HS3ST4: variants seen among roughly 807,000 people sequenced by gnomAD.
HS3ST4 encodes the protein heparan sulfate glucosamine 3-O-sulfotransferase 4.
Under a neutral mutation model 29.2 loss-of-function variants are expected in HS3ST4, and 17 were observed. The ratio of observed to expected loss-of-function variants is 0.58; its 90% CI spans 0.40 to 0.87. HS3ST4 has a LOEUF of 0.87. HS3ST4 is among the 40% of genes least tolerant of loss of function. The probability of loss-of-function intolerance (pLI) is 0.00; values close to 1 mark genes in which losing one functional copy is unlikely to be tolerated. For synonymous variants in HS3ST4, 314 were observed against 285.7 expected (o/e 1.10, Z -1.00); for missense variants, 627 against 634.5 (o/e 0.99, Z 0.13).
intron 1 of HS3ST4, among the ~76,000 whole-genome samples, chr16:25,752,483 C>T (rs886877441): frequency 2.6e-5 from 4 of 151,868 alleles, no homozygotes; most frequent in East Asian, 1.9e-4. Flanking sequence ...TTTGACGGAA[C>T]GGATTATAGG....
intron 1 of HS3ST4, among the ~76,000 whole-genome samples, chr16:25,895,875 G>A (rs1011877029): frequency 1.3e-5 from 2 of 152,132 alleles, no homozygotes; most frequent in Admixed American, 1.3e-4. Context: ...TGGGAATTAG[G>A]CTTCAATATC....
chr16:25,876,584 G>T (rs1967835342), intron 1 of HS3ST4, among the ~76,000 whole-genome samples: 1 of 152,090 alleles, frequency 6.6e-6, no homozygotes, highest in South Asian at 2.1e-4. Context: ...TCTCTTATTG[G>T]TTCTAATTAG....
intron 1 of HS3ST4, among the ~76,000 whole-genome samples, chr16:26,014,230 G>T (rs1244122701): frequency 1.3e-5 from 2 of 152,120 alleles, no homozygotes. Flanking sequence ...CTTGTTCACT[G>T]TTGTGTCCCT....
At chr16:25,736,224 G>A (rs1162372171) in intron 1 of HS3ST4, among the ~76,000 whole-genome samples, 2 of 152,194 alleles carry the variant, frequency 1.3e-5, no homozygotes, top group African/African-American at 4.8e-5. Context: ...TCATAACGAC[G>A]TTGGAAGAAC....
chr16:25,897,158 GA>G (rs922572836), intron 1 of HS3ST4, among the ~76,000 whole-genome samples: 19 of 152,134 alleles, frequency 1.2e-4, no homozygotes, highest in African/African-American at 4.3e-4. Flanking sequence ...AATAAAAGTT[GA>G]AAAAAATACT....
chr16:25,949,094 A>ATGTATTTATGG (rs1968659015), intron 1 of HS3ST4, among the ~76,000 whole-genome samples: 1 of 151,736 alleles, frequency 6.6e-6, no homozygotes, highest in Non-Finnish European at 1.5e-5. Context: ...GGTACATAGT[A>ATGTATTTATGG]GGTGTATGTA....
intron 1 of HS3ST4, among the ~76,000 whole-genome samples, chr16:25,797,475 A>G (rs1966892977): frequency 6.6e-6 from 1 of 152,218 alleles, no homozygotes; most frequent in Non-Finnish European, 1.5e-5. Context: ...GGAATGGCAA[A>G]TGAATTAATA....
At chr16:26,081,061 CAGAT>C (rs908139175) in intron 1 of HS3ST4, among the ~76,000 whole-genome samples, 3 of 152,106 alleles carry the variant, frequency 2.0e-5, no homozygotes, top group Non-Finnish European at 4.4e-5. Flanking sequence ...TCAAGGCAGA[CAGAT>C]CACTTGAGCT....
chr16:25,944,505 TGTTA>T (rs1331672832), intron 1 of HS3ST4, among the ~76,000 whole-genome samples: 1 of 152,246 alleles, frequency 6.6e-6, no homozygotes, highest in African/African-American at 2.4e-5. Flanking sequence ...TTTTAATGTT[TGTTA>T]ATGATATTGT....
intron 1 of HS3ST4, among the ~76,000 whole-genome samples, chr16:26,107,257 AC>A (rs1899069063): frequency 1.3e-5 from 2 of 152,130 alleles, no homozygotes; most frequent in South Asian, 2.1e-4. Context: ...AACTACACAC[AC>A]ACACACATAT....
At chr16:26,037,573 G>A (rs141676048) in intron 1 of HS3ST4, among the ~76,000 whole-genome samples, 1 of 152,264 alleles carries the variant, frequency 6.6e-6, no homozygotes, top group East Asian at 1.9e-4. Flanking sequence ...GCCAATATTG[G>A]CAAATAAATC....
At chr16:25,908,171 C>T (rs1460216395) in intron 1 of HS3ST4, among the ~76,000 whole-genome samples, 1 of 152,138 alleles carries the variant, frequency 6.6e-6, no homozygotes, top group Non-Finnish European at 1.5e-5. Flanking sequence ...CTCAGCCTGG[C>T]TGGGTCTGCT....
intron 1 of HS3ST4, among the ~76,000 whole-genome samples, chr16:26,022,964 T>A (rs1969429353): frequency 6.6e-6 from 1 of 152,030 alleles, no homozygotes; most frequent in Admixed American, 6.6e-5. Flanking sequence ...ATCTCTTGAA[T>A]CCAGGAGGCG....
intron 1 of HS3ST4, among the ~76,000 whole-genome samples, chr16:25,927,803 T>C (rs1277843624): frequency 6.6e-6 from 1 of 151,842 alleles, no homozygotes; most frequent in Non-Finnish European, 1.5e-5. Flanking sequence ...ATTCAGAAAG[T>C]GGCTATTGAG....
At chr16:25,887,543 G>A (rs1385600316) in intron 1 of HS3ST4, among the ~76,000 whole-genome samples, 1 of 152,124 alleles carries the variant, frequency 6.6e-6, no homozygotes, top group East Asian at 1.9e-4. Flanking sequence ...TTACTGACTT[G>A]TGATGGGCAC....
intron 1 of HS3ST4, among the ~76,000 whole-genome samples, chr16:25,915,325 A>G (rs1026824811): frequency 2.6e-5 from 4 of 152,164 alleles, no homozygotes; most frequent in African/African-American, 9.7e-5. Flanking sequence ...CGAGGAGAGA[A>G]TCTTGGCCTG....
intron 1 of HS3ST4, among the ~76,000 whole-genome samples, chr16:25,978,107 C>T (rs529556660): frequency 6.6e-6 from 1 of 152,278 alleles, no homozygotes; most frequent in South Asian, 2.1e-4. Context: ...CTACCTTCAA[C>T]GTTTTTGACA....
intron 1 of HS3ST4, among the ~76,000 whole-genome samples, chr16:26,051,096 G>A (rs1479872751): frequency 1.3e-5 from 2 of 152,138 alleles, no homozygotes; most frequent in African/African-American, 4.8e-5. Flanking sequence ...CAGACCCTGA[G>A]TTTTAATAAT....
chr16:25,713,256 T>C (rs978539158), intron 1 of HS3ST4, among the ~76,000 whole-genome samples: 24 of 152,112 alleles, frequency 1.6e-4, no homozygotes, highest in African/African-American at 5.3e-4. Flanking sequence ...AGGTCAGGTG[T>C]GGTGGCTCAC....
Sources: allele counts gnomAD v4.1 joint callset (sites outside exome capture counted in the v4.1 genomes callset), GRCh38; gene constraint gnomAD v4.1.1; transcripts MANE v1.5; gene names NCBI Gene and HGNC (gene_info 2026-07-23, HGNC 2026-07-21).